The following STARD8 variants were observed in gnomAD, a reference collection of about 807,000 sequenced individuals.
The protein encoded by STARD8 is stAR-related lipid transfer protein 8.
A neutral mutation model predicts 69.4 loss-of-function variants in STARD8; 25 were observed. The ratio of observed to expected loss-of-function variants is 0.36; its 90% confidence interval spans 0.26 to 0.50. The LOEUF is 0.50. Ranked by LOEUF, STARD8 falls within the 20% of genes least tolerant of loss-of-function variation. STARD8 has a pLI of 0.96. For synonymous variants in STARD8, 389 were observed against 374.6 expected (o/e 1.04, Z -0.45); for missense variants, 921 against 932.5 (o/e 0.99, Z 0.16).
intron 1 of STARD8, among the ~76,000 whole-genome samples, chrX:68,653,555 C>T (rs1277991293): frequency 4.5e-4 from 39 of 85,799 alleles, no homozygotes; most frequent in Non-Finnish European, 7.1e-4. Flanking sequence ...CACCACAGCA[C>T]ACATACACCA....
chrX:68,702,209 G>A (rs2079971678), intron 2 of STARD8, among the ~76,000 whole-genome samples: 1 of 112,162 alleles, frequency 8.9e-6, no homozygotes. Flanking sequence ...ACCCAGCATA[G>A]GGCTTGGCAC....
At chrX:68,652,818 C>A (rs2079559099) in intron 1 of STARD8, among the ~76,000 whole-genome samples, 1 of 67,531 alleles carries the variant, frequency 1.5e-5, no homozygotes, top group Non-Finnish European at 2.9e-5. Context: ...ACACACACCC[C>A]ACACACCCCA....
intron 1 of STARD8, among the ~76,000 whole-genome samples, chrX:68,653,166 C>A (rs930702197): frequency 1.1e-4 from 2 of 18,419 alleles, no homozygotes; most frequent in African/African-American, 2.2e-4. Context: ...AACACACACA[C>A]CACACACACA....
Position 68,717,895 on chromosome X carries a change from G to A in STARD8, c.981G>A (p.Leu327=). 8.3e-7 allele frequency: 1 copy of A among 1,208,090 alleles called. No individual in the cohort carries two copies. Among genetic ancestry groups the A allele is most frequent in the Non-Finnish European group, 1.1e-6 (1 of 893,684 alleles). ...ESLCPEDGHR[L]ADWQPGRRWG... ...TGTGTCCTGAGGATGGACACCGCCT[G>A]GCAGACTGGCAGCCAGGTAGGCGGT... Residue 327 remains leucine (L), a synonymous_variant, in exon 6 of 15, where the codon CTG becomes CTA. Coordinates refer to ENST00000374599, the MANE Select transcript of STARD8 (RefSeq NM_001142503.3).
At chrX:68,659,237 G>T (rs745745990) in intron 1 of STARD8, among the ~76,000 whole-genome samples, 6 of 111,856 alleles carry the variant, frequency 5.4e-5, no homozygotes, top group Non-Finnish European at 1.1e-4. Flanking sequence ...AAAGATAGTT[G>T]ATTGATTGCT....
At chrX:68,720,897 A>ACTCC in intron 8 of STARD8, 27 bp from the exon 9 acceptor site, 1 of 1,188,109 alleles carries the variant, frequency 8.4e-7, no homozygotes, top group Non-Finnish European at 1.1e-6. Flanking sequence ...TGTTTTCCTC[A>ACTCC]CTCCCTCCCT....
intron 2 of STARD8, 107 bp downstream of exon 2, chrX:68,665,639 G>A: frequency 1.2e-6 from 1 of 865,317 alleles, no homozygotes; most frequent in Non-Finnish European, 1.7e-6. Context: ...GCCAACGGCC[G>A]AGATGCAAAA....
intron 1 of STARD8, among the ~76,000 whole-genome samples, chrX:68,661,079 G>T (rs2079641408): frequency 8.9e-6 from 1 of 111,769 alleles, no homozygotes; most frequent in South Asian, 3.7e-4. Flanking sequence ...GTTAGAGAAG[G>T]AAGGGAGAGG....
chrX:68,690,632 T>C (rs1445334320), intron 2 of STARD8, among the ~76,000 whole-genome samples: 1 of 112,378 alleles, frequency 8.9e-6, no homozygotes, highest in Admixed American at 9.4e-5. Context: ...CAGTATACTT[T>C]CACATTTATT....
chrX:68,703,299 G>A (rs2079980383), intron 2 of STARD8, among the ~76,000 whole-genome samples: 1 of 112,048 alleles, frequency 8.9e-6, no homozygotes, highest in African/African-American at 3.2e-5. Context: ...GTGACAAATA[G>A]GCTACGTCTT....
chrX:68,719,358 A>G lies in STARD8; in HGVS notation c.1849A>G (p.Met617Val). Reference sequence around the variant, plus strand: ...CTCACTGCTGCGGCTTACCGCGTTCATGGAGAAGTACACTGTGCCCCACAA... The same window carrying G: ...CTCACTGCTGCGGCTTACCGCGTTCGTGGAGAAGTACACTGTGCCCCACAA... ...KGSLLRLTAFMEKYTVPHKQG... is the reference protein window; with the variant it reads ...KGSLLRLTAFVEKYTVPHKQG... Residue 617 changes from methionine (M) to valine (V), a missense_variant, in exon 7 of 15, where the codon ATG becomes GTG. Physicochemically the swap from Met to Val is conservative, Grantham distance 21 (BLOSUM62 1). Coordinates refer to ENST00000374599, the MANE Select transcript of STARD8 (RefSeq NM_001142503.3). The G allele has an allele frequency of 8.3e-7, 1 of 1,202,283 alleles. No individual in the cohort carries two copies. The highest frequency in any genetic ancestry group is 1.1e-6 in the Non-Finnish European group (1 of 890,597).
Position 68,647,701 on chromosome X carries a change from G to C in STARD8, c.-182G>C, listed in dbSNP as rs1034068595. On this transcript the variant is annotated 5_prime_UTR_variant, in exon 1 of 15. Coordinates refer to ENST00000374599, the MANE Select transcript of STARD8 (RefSeq NM_001142503.3). The stretch of plus-strand genomic sequence containing the variant: ...CAGGAGGCGGGAGGCGCCCGCTGTC[G>C]AGGCAGCTGAGCCCCGGCAACCGCT... The C allele has an allele frequency of 3.9e-6, 2 of 513,668 alleles. No individual in the cohort carries two copies. The highest frequency in any genetic ancestry group is 6.1e-6 in the Non-Finnish European group (2 of 330,426). 42.3% of individuals were successfully genotyped at this position (513,668 alleles called of 1,213,427 possible).
intron 2 of STARD8, among the ~76,000 whole-genome samples, chrX:68,670,285 A>T (rs1023681300): frequency 7.2e-5 from 8 of 111,699 alleles, no homozygotes; most frequent in Non-Finnish European, 1.3e-4. Context: ...CAAAATGAGA[A>T]TGTTGAACTA....
chrX:68,653,297 A>G (rs1602536108), intron 1 of STARD8, among the ~76,000 whole-genome samples: 5 of 20,861 alleles, frequency 2.4e-4, no homozygotes, highest in East Asian at 1.7e-3. Context: ...ACCACACACC[A>G]CACACACACC....
intron 2 of STARD8, among the ~76,000 whole-genome samples, chrX:68,674,077 T>A (rs986665614): frequency 9.0e-6 from 1 of 111,374 alleles, no homozygotes; most frequent in Non-Finnish European, 1.9e-5. Flanking sequence ...GTGGATCACC[T>A]GAAGTCAGGA....
intron 12 of STARD8, among the ~76,000 whole-genome samples, chrX:68,723,359 C>A (rs972557999): frequency 1.8e-5 from 2 of 112,778 alleles, no homozygotes; most frequent in African/African-American, 6.4e-5. Flanking sequence ...CTGTGCCCAT[C>A]ATGGTAGGGC....
chrX:68,719,005 C>T (rs1228535410), intron 6 of STARD8, among the ~76,000 whole-genome samples: 1 of 110,624 alleles, frequency 9.0e-6, no homozygotes, highest in African/African-American at 3.3e-5. Context: ...CTAGATGGGC[C>T]TGAGCTCTGT....
At chrX:68,681,695 C>T (rs2079801994) in intron 2 of STARD8, among the ~76,000 whole-genome samples, 1 of 112,330 alleles carries the variant, frequency 8.9e-6, no homozygotes, top group Non-Finnish European at 1.9e-5. Flanking sequence ...CAGTTCTCCA[C>T]AGCAGACTCC....
At chrX:68,653,085 CCACACACCA>C (rs2079571810) in intron 1 of STARD8, among the ~76,000 whole-genome samples, 4 of 9,868 alleles carry the variant, frequency 4.1e-4, no homozygotes, top group Admixed American at 1.5e-3. Flanking sequence ...ACACACCACA[CCACACACCA>C]CACACACCAC....
Sources: allele counts gnomAD v4.1 joint callset (sites outside exome capture counted in the v4.1 genomes callset), GRCh38; gene constraint gnomAD v4.1.1; transcripts MANE v1.5; gene names NCBI Gene and HGNC (gene_info 2026-07-23, HGNC 2026-07-21).